Variants in TMEM161B observed in about 807,000 individuals in gnomAD.
TMEM161B encodes transmembrane protein 161B.
Under a neutral mutation model 61.8 loss-of-function variants are expected in TMEM161B, and 34 were observed. That is an observed-to-expected ratio of 0.55 (90% CI 0.42 to 0.73). The LOEUF is 0.73. Among genes scored for constraint, TMEM161B ranks in the 30% least tolerant of loss-of-function variants. The pLI is 0.00. For synonymous variants in TMEM161B, 167 were observed against 192.8 expected (o/e 0.87, Z 1.11); for missense variants, 456 against 558.5 (o/e 0.82, Z 1.85).
chr5:88,228,024 G>GAC (rs1750352748), intron 3 of TMEM161B, among the ~76,000 whole-genome samples: 1 of 152,046 alleles, frequency 6.6e-6, no homozygotes, highest in African/African-American at 2.4e-5. Context: ...CAGTTATATT[G>GAC]TCCCTCCCTT....
chr5:88,259,208 ATAAG>A (rs990395792), intron 1 of TMEM161B: 2 of 152,198 alleles, frequency 1.3e-5, no homozygotes, highest in Non-Finnish European at 2.9e-5. Flanking sequence ...GATTTCTGTG[ATAAG>A]TAAGTAAATA....
intron 2 of TMEM161B, 25 bp downstream of exon 2, chr5:88,240,788 T>G: frequency 1.3e-6 from 2 of 1,533,836 alleles, no homozygotes; most frequent in Non-Finnish European, 1.8e-6. Flanking sequence ...AAGTGTCAGT[T>G]GAAATCAGCC....
chr5:88,199,197 C>T (rs1316116590), intron 9 of TMEM161B, 47 bp from the exon 10 acceptor site: 1 of 1,534,206 alleles, frequency 6.5e-7, no homozygotes, highest in African/African-American at 1.4e-5. Flanking sequence ...CAACAATATG[C>T]TAGCATGCTC....
At chr5:88,207,317 AGGAAAAGAGCACCC>A in intron 5 of TMEM161B, 137 bp from the exon 6 acceptor site, 1 of 800,584 alleles carries the variant, frequency 1.2e-6, no homozygotes, top group Non-Finnish European at 1.9e-6. Context: ...TTTTAAATTA[AGGAAAAGAGCACCC>A]ATATACTAAG....
At chr5:88,267,739 A>AC (rs1378888733) in intron 1 of TMEM161B, among the ~76,000 whole-genome samples, 1 of 151,864 alleles carries the variant, frequency 6.6e-6, no homozygotes, top group African/African-American at 2.4e-5. Context: ...GTTGATCCAT[A>AC]CCCCCCTACC....
chr5:88,254,049 A>G (rs1382664877), intron 1 of TMEM161B, among the ~76,000 whole-genome samples: 1 of 151,962 alleles, frequency 6.6e-6, no homozygotes, highest in East Asian at 1.9e-4. Flanking sequence ...TTGAAGCAAA[A>G]GGGAAGGAAC....
chr5:88,240,782 G>T, intron 2 of TMEM161B, 31 bp downstream of exon 2: 1 of 1,463,150 alleles, frequency 6.8e-7, no homozygotes, highest in Non-Finnish European at 9.6e-7. Context: ...GATTGAAAGT[G>T]TCAGTTGAAA....
At chr5:88,222,925 C>CAT (rs1411737094) in intron 4 of TMEM161B, among the ~76,000 whole-genome samples, 1 of 152,062 alleles carries the variant, frequency 6.6e-6, no homozygotes, top group African/African-American at 2.4e-5. Flanking sequence ...CACCTAATCA[C>CAT]ATATATACAA....
chr5:88,204,282 T>A (rs937309189), intron 8 of TMEM161B, among the ~76,000 whole-genome samples: 27 of 151,844 alleles, frequency 1.8e-4, no homozygotes, highest in African/African-American at 6.3e-4. Flanking sequence ...CAAGGCAGAG[T>A]GCTACAACAC....
intron 1 of TMEM161B, among the ~76,000 whole-genome samples, chr5:88,259,798 A>T (rs1461195837): frequency 6.6e-6 from 1 of 152,218 alleles, no homozygotes; most frequent in Non-Finnish European, 1.5e-5. Flanking sequence ...CATTTTCTAA[A>T]AATATCGTTA....
chr5:88,193,586 T>C (rs1048299720), downstream of TMEM161B, among the ~76,000 whole-genome samples: 7 of 152,130 alleles, frequency 4.6e-5, no homozygotes, highest in African/African-American at 1.7e-4. Context: ...AGAGTATACT[T>C]AGAGTTTAAG....
intron 1 of TMEM161B, among the ~76,000 whole-genome samples, chr5:88,255,014 C>G (rs905385973): frequency 6.6e-6 from 1 of 152,060 alleles, no homozygotes; most frequent in African/African-American, 2.4e-5. Context: ...ACACCAAGAT[C>G]AGGGTCTTCA....
At chr5:88,242,424 C>T (rs1310495869) in intron 1 of TMEM161B, among the ~76,000 whole-genome samples, 2 of 144,914 alleles carry the variant, frequency 1.4e-5, no homozygotes, top group East Asian at 5.8e-4. Flanking sequence ...TAGCCAAGTA[C>T]TCCAAAAATA....
At chr5:88,227,891 T>C (rs114949501) in intron 3 of TMEM161B, among the ~76,000 whole-genome samples, 1 of 152,194 alleles carries the variant, frequency 6.6e-6, no homozygotes, top group Non-Finnish European at 1.5e-5. Context: ...AACATTGTTT[T>C]GTTTACTCTG....
chr5:88,187,488 T>G (rs1405293731), downstream of TMEM161B, among the ~76,000 whole-genome samples: 2 of 152,206 alleles, frequency 1.3e-5, no homozygotes, highest in African/African-American at 4.8e-5. Flanking sequence ...TTATGTCTAC[T>G]TTAATTTCTC....
chr5:88,207,314 T>C, intron 5 of TMEM161B, 134 bp from the exon 6 acceptor site: 1 of 845,678 alleles, frequency 1.2e-6, no homozygotes, highest in Non-Finnish European at 1.8e-6. Flanking sequence ...CACTTTTAAA[T>C]TAAGGAAAAG....
intron 1 of TMEM161B, among the ~76,000 whole-genome samples, chr5:88,242,121 T>A (rs923050288): frequency 3.3e-5 from 5 of 151,732 alleles, no homozygotes; most frequent in Non-Finnish European, 7.4e-5. Flanking sequence ...TTCTAGAGAA[T>A]AACAGTAATT....
chr5:88,257,549 C>T (rs1173553462), intron 1 of TMEM161B, among the ~76,000 whole-genome samples: 1 of 152,148 alleles, frequency 6.6e-6, no homozygotes, highest in African/African-American at 2.4e-5. Flanking sequence ...GAAAAGCTCT[C>T]CCTGGGATTC....
At chr5:88,190,129 A>G (rs1260725240), downstream of TMEM161B, 4 of 700,836 alleles carry the variant, frequency 5.7e-6, no homozygotes, top group Non-Finnish European at 1.0e-5. Flanking sequence ...GAGAAGGTAC[A>G]CACAAGAACT....
Sources: allele counts gnomAD v4.1 joint callset (sites outside exome capture counted in the v4.1 genomes callset), GRCh38; gene constraint gnomAD v4.1.1; transcripts MANE v1.5; gene names NCBI Gene and HGNC (gene_info 2026-07-23, HGNC 2026-07-21).